NFKB1: variants seen among roughly 807,000 people sequenced by gnomAD.
The protein encoded by NFKB1 is nuclear factor NF-kappa-B p105 subunit.
A neutral mutation model predicts 105.1 loss-of-function variants in NFKB1; 9 were observed. The observed-to-expected ratio is 0.09, with a 90% CI of 0.05 to 0.15. The LOEUF (loss-of-function observed/expected upper bound fraction) is 0.15. Ranked by LOEUF, NFKB1 falls within the 10% of genes least tolerant of loss-of-function variation. NFKB1 has a pLI of 1.00. For missense variants in NFKB1, 830 were observed against 1,203.7 expected (o/e 0.69, Z 4.59); for synonymous variants, 440 against 442.2 (o/e 1.00, Z 0.06).
At chr4:102,551,936 G>A (rs1388602948) in intron 5 of NFKB1, among the ~76,000 whole-genome samples, 1 of 152,194 alleles carries the variant, frequency 6.6e-6, no homozygotes, top group Non-Finnish European at 1.5e-5. Context: ...GTGGAAGAGA[G>A]ATGATTTAGC....
chr4:102,600,635 G>A (rs1019441036), intron 15 of NFKB1, among the ~76,000 whole-genome samples: 1 of 152,176 alleles, frequency 6.6e-6, no homozygotes, highest in South Asian at 2.1e-4. Context: ...ACATCAAGGG[G>A]TCAAGACCTG....
intron 5 of NFKB1, among the ~76,000 whole-genome samples, chr4:102,551,378 ATG>A (rs753560793): frequency 1.3e-4 from 12 of 94,466 alleles, no homozygotes; most frequent in African/African-American, 3.6e-4. Context: ...GCGCGCGCGC[ATG>A]TGTGTGTGTG....
At chr4:102,567,932 T>G (rs1484241474) in intron 6 of NFKB1, among the ~76,000 whole-genome samples, 5 of 152,240 alleles carry the variant, frequency 3.3e-5, no homozygotes, top group Admixed American at 3.3e-4. Context: ...AATTGTTGTT[T>G]TAAGTCTTTC....
intron 11 of NFKB1, among the ~76,000 whole-genome samples, chr4:102,585,063 T>C (rs1413803305): frequency 6.6e-6 from 1 of 151,630 alleles, no homozygotes; most frequent in East Asian, 1.9e-4. Flanking sequence ...TTTTTTTTTT[T>C]ACTTTTAATA....
chr4:102,528,293 A>C (rs916832842), intron 2 of NFKB1, among the ~76,000 whole-genome samples: 2 of 152,168 alleles, frequency 1.3e-5, no homozygotes, highest in East Asian at 3.8e-4. Context: ...CCATTTTTGC[A>C]GAACATGGTT....
chr4:102,557,842 C>T (rs1723104719), intron 5 of NFKB1, among the ~76,000 whole-genome samples: 1 of 152,092 alleles, frequency 6.6e-6, no homozygotes, highest in South Asian at 2.1e-4. Flanking sequence ...CCTTCACTTT[C>T]TCACAGCTGG....
chr4:102,596,797 C>T (rs1218309587), intron 14 of NFKB1, among the ~76,000 whole-genome samples: 1 of 151,806 alleles, frequency 6.6e-6, no homozygotes, highest in Non-Finnish European at 1.5e-5. Context: ...TTACTGTGAA[C>T]CAATACTTAT....
At chr4:102,597,717 C>G in intron 15 of NFKB1, 56 bp downstream of exon 15, 1 of 1,553,058 alleles carries the variant, frequency 6.4e-7, no homozygotes, top group South Asian at 1.2e-5. Context: ...AGAAGAGCAT[C>G]GTATAATGCA....
At chr4:102,565,026 A>C (rs187298048) in intron 5 of NFKB1, among the ~76,000 whole-genome samples, 1 of 152,216 alleles carries the variant, frequency 6.6e-6, no homozygotes, top group Non-Finnish European at 1.5e-5. Context: ...TAGGGACAGC[A>C]GTCAGCTTTG....
chr4:102,529,850 T>A lies in NFKB1; in HGVS notation c.54T>A (p.Asp18Glu). ...LGRPEQMFHL[D>E]PSLTHTIFNP... The stretch of plus-strand genomic sequence containing the variant: ...CTTCTTTACAGATGTTTCATTTGGA[T>A]CCTTCTTTGACTCATACAATATTTA... The change falls in exon 3 of 24, where the codon GAT (aspartate) becomes GAA (glutamate). Residue 18 changes from aspartate (D) to glutamate (E), a missense_variant. Asp to Glu is a conservative substitution (Grantham distance 45). Around this residue, in one of 8 missense-constraint regions of NFKB1, gnomAD observed 46 missense variants for 48.3 expected, o/e 0.95. Transcript: ENST00000226574. The A allele has an allele frequency of 6.2e-7, 1 of 1,604,590 alleles. No individual in the cohort carries two copies. The highest frequency in any genetic ancestry group is 8.5e-7 in the Non-Finnish European group (1 of 1,172,966).
In NFKB1 at chr4:102,607,727, C is replaced by G; in HGVS notation, c.2203C>G (p.Leu735Val). The change falls in exon 19 of 24, where the codon CTG (leucine) becomes GTG (valine). Residue 735 changes from leucine (L) to valine (V), a missense_variant. Leu to Val is a conservative substitution (Grantham distance 32). Coordinates refer to ENST00000226574, the MANE Select transcript of NFKB1 (RefSeq NM_003998.4). ...HIAAGRGSTR[L>V]AALLKAAGAD... ...AGCAGCTGGGAGAGGGTCCACCAGG[C>G]TGGCAGCTCTTCTCAAAGCAGCAGG... 3.1e-6 allele frequency: 5 copies of G among 1,614,172 alleles called. No homozygotes were observed. Among genetic ancestry groups the G allele is most frequent in the Non-Finnish European group, 4.2e-6 (5 of 1,180,008 alleles).
chr4:102,515,145 C>T (rs1345700380), intron 1 of NFKB1, among the ~76,000 whole-genome samples: 4 of 119,098 alleles, frequency 3.4e-5, no homozygotes, highest in Non-Finnish European at 6.5e-5. Context: ...GAGTCTCGCT[C>T]TGTCGCCCAG....
chr4:102,586,476 G>A (rs180795700), intron 11 of NFKB1, among the ~76,000 whole-genome samples: 1 of 152,274 alleles, frequency 6.6e-6, no homozygotes, highest in African/African-American at 2.4e-5. Context: ...AGAGGACAGG[G>A]TGAGAAATTT....
At chr4:102,614,642 T>C (rs975114598) in intron 23 of NFKB1, among the ~76,000 whole-genome samples, 1 of 152,066 alleles carries the variant, frequency 6.6e-6, no homozygotes, top group African/African-American at 2.4e-5. Flanking sequence ...CAGTGACCGG[T>C]CACCTCCACA....
chr4:102,612,179 C>A (rs1728484409), intron 21 of NFKB1, 69 bp downstream of exon 21: 1 of 1,370,808 alleles, frequency 7.3e-7, no homozygotes, highest in African/African-American at 1.4e-5. Context: ...AGGGAGGAAC[C>A]AGCATTATCC....
At chr4:102,594,023 A>G (rs1726398167) in intron 12 of NFKB1, among the ~76,000 whole-genome samples, 1 of 152,206 alleles carries the variant, frequency 6.6e-6, no homozygotes, top group South Asian at 2.1e-4. Context: ...TATATGTTAT[A>G]GTATATATTT....
intron 1 of NFKB1, among the ~76,000 whole-genome samples, chr4:102,514,751 G>GT (rs750604171): frequency 1.3e-5 from 2 of 152,088 alleles, no homozygotes; most frequent in Non-Finnish European, 2.9e-5. Flanking sequence ...TTTGCTTCAT[G>GT]TATTTTGAAG....
intron 3 of NFKB1, among the ~76,000 whole-genome samples, chr4:102,530,919 C>G (rs1213835455): frequency 6.6e-6 from 1 of 152,088 alleles, no homozygotes; most frequent in Non-Finnish European, 1.5e-5. Context: ...CCCTACAAAA[C>G]ATTATTTTTA....
intron 5 of NFKB1, among the ~76,000 whole-genome samples, chr4:102,542,278 T>C (rs1224920590): frequency 6.6e-6 from 1 of 152,190 alleles, no homozygotes; most frequent in Non-Finnish European, 1.5e-5. Flanking sequence ...TACTGAACCA[T>C]CTGGTGCTCT....
Sources: gnomAD v4.1 joint callset for allele counts (sites outside exome capture counted in the v4.1 genomes callset) on GRCh38, gnomAD v4.1.1 for gene constraint, gnomAD v4.1.1 regional missense constraint, MANE v1.5 for transcripts, NCBI Gene and HGNC (gene_info 2026-07-23, HGNC 2026-07-21) for gene names.